FAM178B: variants seen among roughly 807,000 people sequenced by gnomAD.
FAM178B encodes protein FAM178B.
FAM178B carries 82 observed loss-of-function variants against 91.7 expected under a neutral mutation model. The observed-to-expected ratio is 0.89, with a 90% CI of 0.75 to 1.07. The LOEUF is 1.07. Ranked by LOEUF, FAM178B falls within the 50% of genes least tolerant of loss-of-function variation. The pLI is 0.00. For synonymous variants in FAM178B, 368 were observed against 359.4 expected, an observed-to-expected ratio of 1.02 and a Z score of -0.27; for missense variants, 769 against 846.7, an observed-to-expected ratio of 0.91 and a Z score of 1.14.
intron 13 of FAM178B, among the ~76,000 whole-genome samples, chr2:96,902,308 G>A (rs2080949951): frequency 6.6e-6 from 1 of 151,982 alleles, no homozygotes; most frequent in South Asian, 2.1e-4. Context: ...GTTTCACCGT[G>A]TTAGCCAGGA....
intron 9 of FAM178B, among the ~76,000 whole-genome samples, chr2:96,923,922 C>A (rs949468839): frequency 6.6e-6 from 1 of 152,222 alleles, no homozygotes; most frequent in Non-Finnish European, 1.5e-5. Context: ...TCCACATGGC[C>A]GCTGGTTCTC....
intron 1 of FAM178B, among the ~76,000 whole-genome samples, chr2:96,985,417 A>C (rs892752955): frequency 1.3e-5 from 2 of 151,774 alleles, no homozygotes; most frequent in African/African-American, 4.8e-5. Flanking sequence ...AATCCTGCAA[A>C]CCCCAGCCCC....
At chr2:96,967,227 A>AT (rs779467023) in intron 5 of FAM178B, among the ~76,000 whole-genome samples, 4 of 50,194 alleles carry the variant, frequency 8.0e-5, no homozygotes, top group Non-Finnish European at 2.5e-4. Context: ...TTGTGTAGTT[A>AT]TTTTCCCGAG....
chr2:96,880,142 A>G (rs2080344101), intron 14 of FAM178B, among the ~76,000 whole-genome samples: 2 of 152,232 alleles, frequency 1.3e-5, no homozygotes, highest in African/African-American at 4.8e-5. Context: ...AAAAGGAGAA[A>G]GGGCCCTTCC....
chr2:96,966,694 C>G (rs192815538), intron 5 of FAM178B, among the ~76,000 whole-genome samples: 7 of 152,102 alleles, frequency 4.6e-5, no homozygotes, highest in Non-Finnish European at 7.4e-5. Flanking sequence ...AATCCTCACC[C>G]CCAGGGTGAA....
intron 14 of FAM178B, among the ~76,000 whole-genome samples, chr2:96,880,239 G>A (rs941856126): frequency 2.6e-5 from 4 of 152,028 alleles, no homozygotes; most frequent in Admixed American, 1.3e-4. Flanking sequence ...AGTAGGATTC[G>A]AGGCAAAGAT....
intron 5 of FAM178B, among the ~76,000 whole-genome samples, chr2:96,962,677 C>T (rs1314371035): frequency 6.6e-6 from 1 of 152,150 alleles, no homozygotes; most frequent in African/African-American, 2.4e-5. Flanking sequence ...GCCTCTGCCC[C>T]AGGCTCAGCA....
chr2:96,960,698 C>T (rs569357912), intron 5 of FAM178B, among the ~76,000 whole-genome samples: 2 of 152,344 alleles, frequency 1.3e-5, no homozygotes, highest in African/African-American at 4.8e-5. Flanking sequence ...CAACCCCACC[C>T]ACTGGATCTG....
At chr2:96,893,010 C>T (rs1434980589) in intron 14 of FAM178B, among the ~76,000 whole-genome samples, 1 of 152,182 alleles carries the variant, frequency 6.6e-6, no homozygotes, top group Admixed American at 6.5e-5. Flanking sequence ...GGAGCGTGCA[C>T]CTGGGGATTA....
At chr2:96,896,744 GCTTCCTGGAGCTGGTGCC>G (rs1402633947) in intron 13 of FAM178B, among the ~76,000 whole-genome samples, 1 of 152,202 alleles carries the variant, frequency 6.6e-6, no homozygotes, top group African/African-American at 2.4e-5. Context: ...CCTGCCTGCT[GCTTCCTGGAGCTGGTGCC>G]CTGCCTGGGC....
In FAM178B at chr2:96,879,472, C is replaced by T. The variant is rs373212098; in HGVS notation, c.1777-979G>A. Among the ~76,000 whole-genome samples the T allele has an allele frequency of 1.7e-4, 26 of 152,382 alleles. 1 individual carries two copies. In the South Asian group the frequency reaches 5.2e-3, roughly 30 times the overall value. ...AGTGCCCCAGCAATGGCTGCAGCTT[C>T]TTTGCACAGGCCCAGGAGTCTCCTC... On this transcript the variant is annotated intron_variant, in intron 14 of 16. Coordinates refer to ENST00000490605, the MANE Select transcript of FAM178B (RefSeq NM_001122646.3).
chr2:96,981,846 C>T (rs763124450), intron 1 of FAM178B, among the ~76,000 whole-genome samples: 7 of 151,720 alleles, frequency 4.6e-5, no homozygotes, highest in Non-Finnish European at 1.0e-4. Flanking sequence ...AAAGGCAGAT[C>T]GCTTGAGTCC....
At chr2:96,947,729 C>T (rs996231534) in intron 8 of FAM178B, 89 bp downstream of exon 8, 5 of 738,420 alleles carry the variant, frequency 6.8e-6, no homozygotes, top group Admixed American at 5.0e-5. Flanking sequence ...CAGCATCTCG[C>T]CTGCAGCTGG....
At chr2:96,879,240 G>A (rs1032386942) in intron 14 of FAM178B, among the ~76,000 whole-genome samples, 1 of 152,188 alleles carries the variant, frequency 6.6e-6, no homozygotes, top group African/African-American at 2.4e-5. Context: ...CCACTCAGAG[G>A]GCCCTGCTGC....
intron 13 of FAM178B, among the ~76,000 whole-genome samples, chr2:96,894,383 C>T (rs1191326355): frequency 7.5e-6 from 1 of 132,656 alleles, no homozygotes; most frequent in African/African-American, 2.9e-5. Flanking sequence ...ATCCTCCCCA[C>T]ACCCACACAT....
At chr2:96,982,323 G>A in intron 1 of FAM178B, among the ~76,000 whole-genome samples, 1 of 151,810 alleles carries the variant, frequency 6.6e-6, no homozygotes. Flanking sequence ...GGAGTATAAC[G>A]GTGCAATCTT....
intron 6 of FAM178B, among the ~76,000 whole-genome samples, chr2:96,955,622 G>A (rs1231799225): frequency 6.6e-6 from 1 of 152,244 alleles, no homozygotes; most frequent in Non-Finnish European, 1.5e-5. Context: ...AGAGGTTGCA[G>A]TGAGCTGAGA....
chr2:96,945,040 A>G (rs1455181078), intron 8 of FAM178B, among the ~76,000 whole-genome samples: 1 of 151,802 alleles, frequency 6.6e-6, no homozygotes, highest in Non-Finnish European at 1.5e-5. Context: ...CCCACCTATT[A>G]GCCTCCTGAG....
chr2:96,958,132 G>C (rs777741600), intron 6 of FAM178B, among the ~76,000 whole-genome samples: 9 of 145,324 alleles, frequency 6.2e-5, no homozygotes, highest in Non-Finnish European at 1.2e-4. Flanking sequence ...GCAGTGGCAC[G>C]ATCTCAGCTC....
Sources: allele counts gnomAD v4.1 joint callset (sites outside exome capture counted in the v4.1 genomes callset), GRCh38; gene constraint gnomAD v4.1.1; transcripts MANE v1.5; gene names NCBI Gene and HGNC (gene_info 2026-07-23, HGNC 2026-07-21).